The following SAMMSON variants were observed in gnomAD, a reference collection of about 807,000 sequenced individuals.
The protein encoded by SAMMSON is long intergenic non-protein coding RNA 1212.
At chr3:70,110,617 C>T (rs1053926451) in intron 4 of SAMMSON, among the ~76,000 whole-genome samples, 5 of 152,142 alleles carry the variant, frequency 3.3e-5, no homozygotes, top group Admixed American at 6.5e-5. Context: ...TTATACCTCT[C>T]AGGTTTAGAT....
At chr3:70,358,577 A>G (rs1575633049) in intron 9 of SAMMSON, among the ~76,000 whole-genome samples, 2 of 152,180 alleles carry the variant, frequency 1.3e-5, no homozygotes, top group Non-Finnish European at 1.5e-5. Context: ...CATTGGCCAG[A>G]AGTGGCATAT....
intron 4 of SAMMSON, among the ~76,000 whole-genome samples, chr3:70,209,351 T>G (rs1044625063): frequency 6.6e-6 from 1 of 152,098 alleles, no homozygotes; most frequent in African/African-American, 2.4e-5. Flanking sequence ...ACAAAATCAC[T>G]GTGGTTGAAA....
In SAMMSON at chr3:70,431,227, T is replaced by A. The variant is rs191933780; in HGVS notation, n.234-31333T>A. On this transcript the variant is annotated intron_variant and non_coding_transcript_variant, in intron 2 of 3. Transcript: ENST00000641053. ...AAAATGGAGCCCTCACTAAGTTGTT[T>A]ATTCTTTTTCTGTTTCAAATTTTAC... 8.6e-4 allele frequency among the ~76,000 whole-genome samples: 131 copies of A among 152,250 alleles called. 2 individuals carry two copies. Among genetic ancestry groups the A allele is most frequent in the African/African-American group, 2.7e-3 (113 of 41,576 alleles).
chr3:70,220,439 TA>T lies in SAMMSON; in HGVS notation n.508-28657del, dbSNP rs201824803. 9.7e-3 allele frequency among the ~76,000 whole-genome samples: 1,424 copies of T among 147,554 alleles called. 71 individuals carry two copies. In the East Asian group the frequency reaches 0.15, roughly 15 times the overall value. On this transcript the variant is annotated intron_variant and non_coding_transcript_variant, in intron 4 of 9. Transcript: ENST00000642114. ...GGAGACAGAGCAAGACCTTACCTCT[TA>T]AAAAAAAAAATTACTTCAAGTTATA...
At chr3:70,391,350 AT>A (rs956859358), downstream of SAMMSON, among the ~76,000 whole-genome samples, 1 of 152,196 alleles carries the variant, frequency 6.6e-6, no homozygotes, top group Admixed American at 6.6e-5. Flanking sequence ...AGTCTTTACA[AT>A]CATGCCCTTT....
chr3:70,281,934 G>A (rs1702088444), intron 6 of SAMMSON, among the ~76,000 whole-genome samples: 1 of 152,156 alleles, frequency 6.6e-6, no homozygotes, highest in Non-Finnish European at 1.5e-5. Context: ...ATTTTTGATT[G>A]TACAGTAACA....
intron 4 of SAMMSON, among the ~76,000 whole-genome samples, chr3:70,248,237 A>G (rs193065390): frequency 8.7e-4 from 133 of 152,222 alleles, no homozygotes; most frequent in Non-Finnish European, 1.6e-3. Flanking sequence ...AACATAGTAT[A>G]TTGTATAGAT....
At chr3:70,103,978 T>G (rs1487187691) in intron 4 of SAMMSON, among the ~76,000 whole-genome samples, 2 of 150,738 alleles carry the variant, frequency 1.3e-5, no homozygotes, top group East Asian at 4.1e-4. Flanking sequence ...CAGCATGTTC[T>G]ATTGATTCAT....
chr3:70,172,569 G>A (rs539417780), intron 4 of SAMMSON: 4 of 152,052 alleles, frequency 2.6e-5, no homozygotes, highest in Admixed American at 2.6e-4. Context: ...GAAGATGTCA[G>A]ACCTGTGTTT....
intron 4 of SAMMSON, among the ~76,000 whole-genome samples, chr3:70,227,522 C>T (rs568507819): frequency 6.6e-6 from 1 of 152,208 alleles, no homozygotes; most frequent in African/African-American, 2.4e-5. Context: ...AGGGACAAGG[C>T]TAGAAGACAA....
chr3:70,235,562 T>A (rs1277041937), intron 4 of SAMMSON, among the ~76,000 whole-genome samples: 1 of 152,162 alleles, frequency 6.6e-6, no homozygotes, highest in East Asian at 1.9e-4. Flanking sequence ...CCTTGACACA[T>A]GGTCAGTCAG....
intron 7 of SAMMSON, among the ~76,000 whole-genome samples, chr3:70,295,322 A>C (rs1161930847): frequency 6.6e-6 from 1 of 152,212 alleles, no homozygotes; most frequent in Non-Finnish European, 1.5e-5. Context: ...GACCAAGATT[A>C]ACATCTAGTG....
intron 2 of SAMMSON, among the ~76,000 whole-genome samples, chr3:70,422,415 G>A (rs906129644): frequency 1.3e-5 from 2 of 151,740 alleles, no homozygotes; most frequent in Non-Finnish European, 1.5e-5. Context: ...TATAAACAAC[G>A]TATTACTTGT....
chr3:70,018,115 G>T (rs1231079732), intron 3 of SAMMSON, among the ~76,000 whole-genome samples: 1 of 152,096 alleles, frequency 6.6e-6, no homozygotes, highest in Non-Finnish European at 1.5e-5. Flanking sequence ...AGTGAGGGAG[G>T]ATTCCCTCTT....
chr3:70,209,458 G>A (rs950661987), intron 4 of SAMMSON, among the ~76,000 whole-genome samples: 2 of 152,012 alleles, frequency 1.3e-5, no homozygotes, highest in East Asian at 1.9e-4. Context: ...TTGAACTTAA[G>A]CATCACAAAG....
intron 4 of SAMMSON, among the ~76,000 whole-genome samples, chr3:70,154,296 A>G (rs1332322364): frequency 6.6e-6 from 1 of 152,050 alleles, no homozygotes; most frequent in Non-Finnish European, 1.5e-5. Flanking sequence ...TAATTCTCAG[A>G]ATATTCTTAC....
intron 2 of SAMMSON, among the ~76,000 whole-genome samples, chr3:70,395,048 G>A (rs1307931595): frequency 1.3e-5 from 2 of 152,162 alleles, no homozygotes; most frequent in Non-Finnish European, 2.9e-5. Context: ...GTATTTCCAA[G>A]TATCACCTGT....
At chr3:70,072,646 G>GAAAAAAAAAAAAAAAAAAACA (rs2067234440) in intron 4 of SAMMSON, 1 of 87,690 alleles carries the variant, frequency 1.1e-5, no homozygotes, top group Non-Finnish European at 2.3e-5. Flanking sequence ...AACAGCAAAG[G>GAAAAAAAAAAAAAAAAAAACA]AAAAAAAAAA....
intron 4 of SAMMSON, chr3:70,125,813 G>T (rs73105995): frequency 1.5e-6 from 1 of 660,836 alleles, no homozygotes; most frequent in South Asian, 1.7e-5. Context: ...TTGGGTCTTT[G>T]GGGCTGAAGA....
Sources: allele counts gnomAD v4.1 joint callset (sites outside exome capture counted in the v4.1 genomes callset), GRCh38; gene constraint gnomAD v4.1.1; transcripts MANE v1.5; gene names NCBI Gene and HGNC (gene_info 2026-07-23, HGNC 2026-07-21).